SBF1: variants seen among roughly 807,000 people sequenced by gnomAD.
The protein encoded by SBF1 is SET binding factor 1, also known as myotubularin-related protein 5.
In SBF1, 65 loss-of-function variants were observed where a neutral mutation model predicts 215.8. That is an observed-to-expected ratio of 0.30 (90% CI 0.25 to 0.37). The LOEUF (loss-of-function observed/expected upper bound fraction) is 0.37, where lower values mean the gene tolerates loss of function less well. Among genes scored for constraint, SBF1 ranks in the 10% least tolerant of loss-of-function variants. The probability of loss-of-function intolerance (pLI) is 1.00; values close to 1 mark genes in which losing one functional copy is unlikely to be tolerated. For missense variants in SBF1, 2,634 were observed against 2,667.8 expected (o/e 0.99, Z 0.28); for synonymous variants, 1,410 against 1,122.8 (o/e 1.26, Z -5.11).
chr22:50,467,309 T>G (rs780458095), intron 5 of SBF1, 29 bp downstream of exon 5: 10 of 1,580,448 alleles, frequency 6.3e-6, no homozygotes. Flanking sequence ...CCTGTGGCTG[T>G]GCAGATACCA....
chr22:50,447,220 A>G lies in SBF1; in HGVS notation c.5604T>C (p.Val1868=), dbSNP rs141053122. 4.9e-3 allele frequency: 7,840 copies of G among 1,613,934 alleles called. 19 individuals are homozygous for G. Among genetic ancestry groups the G allele is most frequent in the Non-Finnish European group, 5.8e-3 (6,898 of 1,179,984 alleles). Residue 1868 remains valine (V), a synonymous_variant, in exon 41 of 41, where the codon GTT becomes GTC. Coordinates refer to ENST00000380817, the MANE Select transcript of SBF1 (RefSeq NM_002972.4). ...GCACGTCCTGGGCACAGAAGTTGTA[A>G]ACGCGACGCGTTGTCTTCACCTGGG... ...AFFDVKTTRR[V]YNFCAQDVPS... is the part of the protein sequence containing the mutation.
intron 36 of SBF1, among the ~76,000 whole-genome samples, chr22:50,449,618 AC>A (rs1476190127): frequency 6.4e-5 from 3 of 46,712 alleles, no homozygotes; most frequent in Non-Finnish European, 1.5e-4. Context: ...CTGTCTCAAA[AC>A]ACACAAACAC....
chr22:50,449,062 G>T (rs1046582867), intron 36 of SBF1, among the ~76,000 whole-genome samples: 2 of 152,100 alleles, frequency 1.3e-5, no homozygotes, highest in African/African-American at 4.8e-5. Flanking sequence ...AGCCCAGCAT[G>T]GTGGCGCACG....
In SBF1 at chr22:50,448,638, G is replaced by T; in HGVS notation, c.5056C>A (p.Leu1686Met). The change falls in exon 37 of 41, where the codon CTG (leucine) becomes ATG (methionine). Residue 1686 changes from leucine (L) to methionine (M), a missense_variant. By Grantham distance (15) the Leu-to-Met change is conservative. Coordinates refer to ENST00000380817, the MANE Select transcript of SBF1 (RefSeq NM_002972.4). ...GCGGGTTGGCCCAACTCTGTCTCCA[G>T]CCTCTGCAGCTCCTGGGGGAAGAAT... The part of the protein sequence containing the change: ...ISRLLEELQR[L>M]ETELGQPAER... 7 of 1,610,660 alleles carry T rather than the reference G, an allele frequency of 4.3e-6. No individual in the cohort carries two copies. The highest frequency in any genetic ancestry group is 5.9e-6 in the Non-Finnish European group (7 of 1,179,538).
Position 50,459,386 on chromosome 22 carries a change from G to T in SBF1, c.3695C>A (p.Ser1232Tyr), listed in dbSNP as rs1227235340. The change falls in exon 28 of 41, where the codon TCC becomes TAC. Residue 1232 changes from serine (S) to tyrosine (Y), a missense_variant. By Grantham distance (144) the Ser-to-Tyr change is moderately radical (BLOSUM62 -2). Transcript: ENST00000380817. ...KAQNAPSPGQ[S>Y]QADSSSLEQE... ...CTCCAGGCTACTCGAGTCCGCCTGG[G>T]ACTGGCCTGGGGGAGGACACGGAGC... is the stretch of plus-strand genomic sequence containing the variant. 1.2e-6 allele frequency: 2 copies of T among 1,612,286 alleles called. No homozygotes were observed. Among genetic ancestry groups the T allele is most frequent in the Non-Finnish European group, 1.7e-6 (2 of 1,179,248 alleles).
rs973067302 is a variant in SBF1, at chr22:50,456,840, G to A, written c.3905-167C>T. 1.6e-4 allele frequency among the ~76,000 whole-genome samples: 25 copies of A among 152,170 alleles called. 1 individual carries two copies. Among genetic ancestry groups the A allele is most frequent in the African/African-American group, 6.0e-4 (25 of 41,444 alleles). ...GAGGGCTGGAACACACAGATTCTGA[G>A]ACGTGGGGTGGCAGCCAGTGTTAGT... On this transcript the variant is annotated intron_variant, in intron 29 of 40. Coordinates refer to ENST00000380817, the MANE Select transcript of SBF1 (RefSeq NM_002972.4).
At chr22:50,457,820 G>A (rs1334263492) in intron 28 of SBF1, among the ~76,000 whole-genome samples, 1 of 152,230 alleles carries the variant, frequency 6.6e-6, no homozygotes, top group Non-Finnish European at 1.5e-5. Flanking sequence ...TGCAAGGCCC[G>A]AGGGTGGGAC....
chr22:50,456,710 C>T, intron 29 of SBF1, 37 bp from the exon 30 acceptor site: 4 of 1,435,312 alleles, frequency 2.8e-6, no homozygotes, highest in Non-Finnish European at 3.7e-6. Context: ...CCAAAGGGGG[C>T]CAGGGCACCA....
chr22:50,458,968 C>A (rs937318850), intron 28 of SBF1, among the ~76,000 whole-genome samples: 1 of 152,224 alleles, frequency 6.6e-6, no homozygotes, highest in African/African-American at 2.4e-5. Context: ...AGAGGCAGCA[C>A]CCGGAGGACC....
intron 1 of SBF1, among the ~76,000 whole-genome samples, chr22:50,471,143 G>A (rs191887255): frequency 2.0e-4 from 30 of 152,286 alleles, no homozygotes; most frequent in Non-Finnish European, 3.2e-4. Flanking sequence ...GCAACAGGAC[G>A]AATCCAAACG....
intron 1 of SBF1, among the ~76,000 whole-genome samples, chr22:50,473,918 C>G (rs553637157): frequency 1.3e-5 from 2 of 152,240 alleles, no homozygotes; most frequent in Admixed American, 1.3e-4. Context: ...CAGGGCAACC[C>G]CGGTGGGCTG....
Position 50,459,380 on chromosome 22 carries a change from G to T in SBF1, c.3701C>A (p.Ala1234Glu). Residue 1234 changes from alanine (A) to glutamate (E), a missense_variant, in exon 28 of 41, where the codon GCG (alanine) becomes GAG (glutamate). Coordinates refer to ENST00000380817, the MANE Select transcript of SBF1 (RefSeq NM_002972.4). The stretch of plus-strand genomic sequence containing the variant: ...CTCCTGCTCCAGGCTACTCGAGTCC[G>T]CCTGGGACTGGCCTGGGGGAGGACA... ...QNAPSPGQSQ[A>E]DSSSLEQEKY... 1 of 1,612,198 alleles carries T rather than the reference G, an allele frequency of 6.2e-7. No homozygotes were observed. Among genetic ancestry groups the T allele is most frequent in the Non-Finnish European group, 8.5e-7 (1 of 1,179,224 alleles).
intron 22 of SBF1, 83 bp downstream of exon 22, chr22:50,461,440 G>C: frequency 6.7e-7 from 1 of 1,503,238 alleles, no homozygotes; most frequent in Non-Finnish European, 8.9e-7. Flanking sequence ...CCCGAGAAAA[G>C]GGAGAGGGAG....
intron 36 of SBF1, among the ~76,000 whole-genome samples, chr22:50,450,523 A>AG (rs1286486573): frequency 6.6e-6 from 1 of 151,808 alleles, no homozygotes; most frequent in African/African-American, 2.4e-5. Flanking sequence ...TCTGCCTCAA[A>AG]AAAAAAAAAA....
In SBF1 at chr22:50,448,540, C is replaced by T. The variant is rs2066923441; in HGVS notation, c.5151+3G>A. 1.2e-6 allele frequency: 2 copies of T among 1,612,068 alleles called. No homozygotes were observed. Among genetic ancestry groups the T allele is most frequent in the Admixed American group, 1.7e-5 (1 of 60,008 alleles). On this transcript the variant is annotated splice_donor_region_variant and intron_variant, in intron 37 of 40. Transcript: ENST00000380817. ...GTGGACGCTCACACTGGCCCTCACT[C>T]ACACGGCCGTCTGGCCGGCCCTCGA...
At position 50,461,252 on chromosome 22, in the gene SBF1, C is replaced by T. The variant is rs750122145; in HGVS notation, c.2874G>A (p.Val958=). The T allele has an allele frequency of 2.5e-6, 4 of 1,613,180 alleles. No homozygotes were observed. The Admixed American group carries it at 6.7e-5, about 27-fold the overall frequency. ...TGCGCTTCTCCTTGGTCAGCGCAGC[C>T]ACCGGGAAGGAGCGGACCACCACCT... is the stretch of plus-strand genomic sequence containing the variant. The part of the protein sequence containing the change: ...GEQVVVRSFP[V]AALTKEKRIS... The change falls in exon 23 of 41, where the codon GTG becomes GTA. Residue 958 remains valine (V), a synonymous_variant. Transcript: ENST00000380817.
Position 50,456,522 on chromosome 22 carries a change from G to A in SBF1, c.4056C>T (p.Leu1352=), listed in dbSNP as rs773718015. 66 of 1,515,330 alleles carry A rather than the reference G, an allele frequency of 4.4e-5. 1 individual carries two copies. The South Asian group carries it at 7.3e-4, about 17-fold the overall frequency. 93.9% of individuals were successfully genotyped at this position (1,515,330 alleles called of 1,614,324 possible). A position where few individuals can be genotyped will look rare whatever the true frequency, so the allele number is the denominator to read the frequency against. ...GCTGGGCTTTGTCCCCAAGGATATA[G>A]AGGGCTGCTCGCTGCGGACGCAGGA... The part of the protein sequence containing the change: ...PGFLRPQRAA[L]YILGDKAQLK... The change falls in exon 30 of 41, where the codon CTC becomes CTT. Residue 1352 remains leucine (L), a synonymous_variant. Transcript: ENST00000380817.
intron 28 of SBF1, among the ~76,000 whole-genome samples, chr22:50,458,777 G>A (rs750580499): frequency 3.9e-5 from 6 of 152,274 alleles, no homozygotes; most frequent in South Asian, 2.1e-4. Flanking sequence ...CAGGACACAC[G>A]AGGACAGAGG....
Position 50,459,673 on chromosome 22 carries a change from G to A in SBF1, c.3492-7C>T, listed in dbSNP as rs768926187. 2 of 1,597,130 alleles carry A rather than the reference G, an allele frequency of 1.3e-6. No homozygotes were observed. The highest frequency in any genetic ancestry group is 1.7e-6 in the Non-Finnish European group (2 of 1,174,162). On this transcript the variant is annotated splice_region_variant and splice_polypyrimidine_tract_variant and intron_variant, in intron 26 of 40. Transcript: ENST00000380817. ...GATCAGCAGCCCTGGGTAGCTGAGA[G>A]GAGGCAGAGGCGTGAAGGTGGCTGG...
Sources: allele counts gnomAD v4.1 joint callset (sites outside exome capture counted in the v4.1 genomes callset), GRCh38; gene constraint gnomAD v4.1.1; transcripts MANE v1.5; gene names NCBI Gene and HGNC (gene_info 2026-07-23, HGNC 2026-07-21).